PCDH9: variants seen among roughly 807,000 people sequenced by gnomAD.
The protein encoded by PCDH9 is protocadherin 9, also known as protocadherin-9.
PCDH9 carries 24 observed loss-of-function variants against 70.6 expected under a neutral mutation model. The observed-to-expected ratio is 0.34, with a 90% CI of 0.25 to 0.48. The LOEUF (loss-of-function observed/expected upper bound fraction) is 0.48. Among genes scored for constraint, PCDH9 ranks in the 20% least tolerant of loss-of-function variants. PCDH9 has a pLI of 0.99. For synonymous variants in PCDH9, 562 were observed against 558.5 expected (o/e 1.01, Z -0.09); for missense variants, 1,281 against 1,503.6 (o/e 0.85, Z 2.45).
chr13:66,331,465 T>C (rs897090843), intron 4 of PCDH9, among the ~76,000 whole-genome samples: 6 of 152,198 alleles, frequency 3.9e-5, no homozygotes, highest in Non-Finnish European at 8.8e-5. Flanking sequence ...CTGAAATTTC[T>C]CATTGGGCCT....
chr13:66,657,113 C>T (rs995334122), intron 3 of PCDH9, among the ~76,000 whole-genome samples: 3 of 152,042 alleles, frequency 2.0e-5, no homozygotes, highest in Non-Finnish European at 4.4e-5. Flanking sequence ...TAGCGTGGCT[C>T]GGGGTCCAGA....
At chr13:66,365,243 C>A (rs935147740) in intron 4 of PCDH9, among the ~76,000 whole-genome samples, 5 of 152,152 alleles carry the variant, frequency 3.3e-5, no homozygotes, top group Admixed American at 6.6e-5. Flanking sequence ...AAGGTTCTGT[C>A]TTGGAGAAAT....
At chr13:66,843,228 G>T (rs1301807746) in intron 3 of PCDH9, among the ~76,000 whole-genome samples, 2 of 152,142 alleles carry the variant, frequency 1.3e-5, no homozygotes, top group African/African-American at 4.8e-5. Context: ...GACAGAGACA[G>T]ATGGAAAAGC....
intron 2 of PCDH9, among the ~76,000 whole-genome samples, chr13:67,137,368 A>T (rs1235733666): frequency 6.6e-6 from 1 of 152,156 alleles, no homozygotes; most frequent in East Asian, 1.9e-4. Context: ...GCTCAACGGA[A>T]TGTACCAGAG....
At chr13:66,351,657 T>A (rs1956293020) in intron 4 of PCDH9, among the ~76,000 whole-genome samples, 1 of 152,006 alleles carries the variant, frequency 6.6e-6, no homozygotes, top group Non-Finnish European at 1.5e-5. Context: ...TTATCCAGAG[T>A]TACACATTAA....
At chr13:66,667,478 C>A (rs9571610) in intron 3 of PCDH9, among the ~76,000 whole-genome samples, 15,147 of 152,118 alleles carry the variant, frequency 0.1, 766 homozygotes, top group Middle Eastern at 0.17. Context: ...GAAATCCCTC[C>A]AGCAAAATGC....
intron 4 of PCDH9, among the ~76,000 whole-genome samples, chr13:66,522,023 G>A (rs999104048): frequency 2.2e-5 from 2 of 89,350 alleles, no homozygotes; most frequent in African/African-American, 5.9e-5. Flanking sequence ...AAAAGTATGT[G>A]TGTGTATATA....
chr13:67,010,069 C>G (rs904988234), intron 2 of PCDH9, among the ~76,000 whole-genome samples: 2 of 151,956 alleles, frequency 1.3e-5, no homozygotes, highest in Non-Finnish European at 2.9e-5. Context: ...ATTAAAATAA[C>G]TATAAAAATA....
At chr13:66,786,707 A>G (rs1156938079) in intron 3 of PCDH9, among the ~76,000 whole-genome samples, 1 of 152,192 alleles carries the variant, frequency 6.6e-6, no homozygotes. Context: ...TCCTTAAGAA[A>G]ATATCCCATT....
intron 2 of PCDH9, among the ~76,000 whole-genome samples, chr13:67,154,605 T>TAC (rs765270091): frequency 0.03 from 2,822 of 93,220 alleles, 195 homozygotes; most frequent in African/African-American, 0.11. Context: ...AATATATATA[T>TAC]ACACACACAC....
intron 4 of PCDH9, among the ~76,000 whole-genome samples, chr13:66,495,067 A>C (rs908729751): frequency 2.0e-5 from 3 of 152,148 alleles, no homozygotes; most frequent in African/African-American, 7.2e-5. Context: ...AACATGAAAA[A>C]AATAGATTTT....
At chr13:67,066,149 A>T (rs1465392424) in intron 2 of PCDH9, among the ~76,000 whole-genome samples, 1 of 152,170 alleles carries the variant, frequency 6.6e-6, no homozygotes. Flanking sequence ...AGTATTTTTT[A>T]AATGGAAACG....
chr13:67,007,192 G>A (rs148764517), intron 2 of PCDH9, among the ~76,000 whole-genome samples: 2 of 151,800 alleles, frequency 1.3e-5, no homozygotes, highest in Admixed American at 1.3e-4. Context: ...AGTGTTTAAG[G>A]GTTGAAATAG....
intron 4 of PCDH9, among the ~76,000 whole-genome samples, chr13:66,552,944 G>T (rs1961556171): frequency 6.6e-6 from 1 of 152,068 alleles, no homozygotes; most frequent in African/African-American, 2.4e-5. Context: ...ATGGTGGCGG[G>T]AGAGAGAAGT....
At chr13:66,425,256 C>G (rs1265809489) in intron 4 of PCDH9, among the ~76,000 whole-genome samples, 1 of 151,632 alleles carries the variant, frequency 6.6e-6, no homozygotes, top group East Asian at 1.9e-4. Flanking sequence ...GTAAAGACTG[C>G]AAAGCTTTGA....
intron 4 of PCDH9, among the ~76,000 whole-genome samples, chr13:66,368,130 A>G (rs2138209493): frequency 6.6e-6 from 1 of 152,240 alleles, no homozygotes; most frequent in Non-Finnish European, 1.5e-5. Context: ...TTAAAAAAGA[A>G]AGAAAAATAG....
intron 3 of PCDH9, among the ~76,000 whole-genome samples, chr13:66,899,759 T>C (rs2082247318): frequency 6.6e-6 from 1 of 151,966 alleles, no homozygotes; most frequent in Non-Finnish European, 1.5e-5. Flanking sequence ...CAATGTGCAC[T>C]TTTTTATTCC....
intron 2 of PCDH9, among the ~76,000 whole-genome samples, chr13:67,036,820 T>C (rs1361587360): frequency 1.3e-5 from 2 of 152,156 alleles, no homozygotes; most frequent in Non-Finnish European, 2.9e-5. Context: ...AGGCTATGCA[T>C]TTGTTAAGAC....
chr13:66,783,313 T>C (rs4884704), intron 3 of PCDH9, among the ~76,000 whole-genome samples: 56,928 of 151,958 alleles, frequency 0.37, 10,932 homozygotes, highest in East Asian at 0.58. Context: ...TAGTCCTTGC[T>C]CATCTTGTCC....
Sources: allele counts gnomAD v4.1 joint callset (sites outside exome capture counted in the v4.1 genomes callset), GRCh38; gene constraint gnomAD v4.1.1; transcripts MANE v1.5; gene names NCBI Gene and HGNC (gene_info 2026-07-23, HGNC 2026-07-21).